CRHR2: variants seen among roughly 807,000 people sequenced by gnomAD.
CRHR2 encodes the protein corticotropin-releasing hormone receptor 2.
Under a neutral mutation model 57.9 loss-of-function variants are expected in CRHR2, and 53 were observed. The observed-to-expected ratio is 0.92, with a 90% confidence interval of 0.73 to 1.15. The LOEUF (loss-of-function observed/expected upper bound fraction) is 1.15. Among genes scored for constraint, CRHR2 ranks in the 50% most tolerant of loss-of-function variants. The pLI is 0.00. For synonymous variants in CRHR2, 213 were observed against 220.9 expected (o/e 0.96, Z 0.32); for missense variants, 532 against 542.6 (o/e 0.98, Z 0.19).
chr7:30,674,903 C>T (rs762954576), intron 2 of CRHR2, among the ~76,000 whole-genome samples: 1 of 152,162 alleles, frequency 6.6e-6, no homozygotes, highest in Non-Finnish European at 1.5e-5. Context: ...GCTGACAATG[C>T]CTTAGCTGTC....
intron 7 of CRHR2, 34 bp from the exon 8 acceptor site, chr7:30,660,679 G>C: frequency 6.5e-7 from 1 of 1,549,318 alleles, no homozygotes; most frequent in Non-Finnish European, 8.7e-7. Context: ...GGGGCCTCCT[G>C]AGCTGGAACT....
intron 10 of CRHR2, among the ~76,000 whole-genome samples, chr7:30,655,295 C>CT (rs1783739916): frequency 6.6e-6 from 1 of 152,262 alleles, no homozygotes; most frequent in South Asian, 2.1e-4. Flanking sequence ...AGGCAGACTC[C>CT]GGTCTCCTCA....
At chr7:30,688,069 G>C (rs766644127) in intron 2 of CRHR2, among the ~76,000 whole-genome samples, 1 of 152,246 alleles carries the variant, frequency 6.6e-6, no homozygotes, top group Non-Finnish European at 1.5e-5. Flanking sequence ...ATGTGGCCTT[G>C]TTTGGATTTA....
Position 30,679,156 on chromosome 7 carries a change from C to G in CRHR2, c.229+2759G>C, listed in dbSNP as rs571961078. On this transcript the variant is annotated intron_variant, in intron 2 of 11. Transcript: ENST00000471646. ...GCCTCTCCTGTGCCTATTACACTCA[C>G]CTGCTAAAATCCAACCTGTCCCCAG... Among the ~76,000 whole-genome samples, 4 of 152,366 alleles carry G rather than the reference C, an allele frequency of 2.6e-5. No individual in the cohort carries two copies. In the South Asian group the frequency reaches 8.3e-4, roughly 32 times the overall value.
intron 2 of CRHR2, among the ~76,000 whole-genome samples, chr7:30,675,891 A>C (rs987156297): frequency 6.6e-6 from 1 of 152,222 alleles, no homozygotes; most frequent in South Asian, 2.1e-4. Context: ...AGGCTCCTCA[A>C]TTCTTTCTGG....
chr7:30,700,073 C>G, exon 1 of CRHR2: 1 of 1,337,118 alleles, frequency 7.5e-7, no homozygotes, highest in Non-Finnish European at 9.7e-7. Flanking sequence ...AGCCTGCTGC[C>G]CAGCACGGTG....
chr7:30,660,517 G>A (rs1486386999), intron 8 of CRHR2, 56 bp downstream of exon 8: 6 of 1,517,684 alleles, frequency 4.0e-6, no homozygotes, highest in Admixed American at 3.9e-5. Context: ...GCCTGGGTGG[G>A]CCCTCTTCTG....
At chr7:30,687,954 A>T (rs190332230) in intron 2 of CRHR2, among the ~76,000 whole-genome samples, 1 of 152,274 alleles carries the variant, frequency 6.6e-6, no homozygotes, top group Admixed American at 6.5e-5. Context: ...GTGGACTTAG[A>T]TCCATTGCTA....
intron 7 of CRHR2, among the ~76,000 whole-genome samples, chr7:30,661,841 A>G (rs370360438): frequency 6.6e-6 from 1 of 152,126 alleles, no homozygotes; most frequent in South Asian, 2.1e-4. Context: ...GGCCCCTTCC[A>G]CATACCCCGG....
At chr7:30,654,876 C>T (rs1208953410) in intron 11 of CRHR2, 163 bp downstream of exon 11, 1 of 1,550,002 alleles carries the variant, frequency 6.5e-7, no homozygotes, top group Non-Finnish European at 8.7e-7. Flanking sequence ...AAACTGGCTC[C>T]AGCCCCTGTG....
intron 5 of CRHR2, among the ~76,000 whole-genome samples, chr7:30,663,613 C>G (rs1320830292): frequency 1.3e-5 from 2 of 152,174 alleles, no homozygotes; most frequent in Non-Finnish European, 2.9e-5. Context: ...CAAGGCCACC[C>G]TTCCCCAGGC....
Position 30,674,428 on chromosome 7 carries a change from A to G in CRHR2, c.230-7115T>C, listed in dbSNP as rs548571146. Among the ~76,000 whole-genome samples, 7 of 152,334 alleles carry G rather than the reference A, an allele frequency of 4.6e-5. No individual in the cohort carries two copies. In the East Asian group the frequency reaches 1.4e-3, roughly 29 times the overall value. On this transcript the variant is annotated intron_variant, in intron 2 of 11. Transcript: ENST00000471646. ...GACCAACACAGGACCCCTGTGGCAGAAGCTGCCTTGGAACTGAGAAACATC... is the reference window on the plus strand; with the variant it reads ...GACCAACACAGGACCCCTGTGGCAGGAGCTGCCTTGGAACTGAGAAACATC...
chr7:30,673,923 C>T (rs1784439248), intron 2 of CRHR2, among the ~76,000 whole-genome samples: 1 of 152,168 alleles, frequency 6.6e-6, no homozygotes, highest in African/African-American at 2.4e-5. Flanking sequence ...TATTGCCAAC[C>T]CCAGCCACTG....
chr7:30,696,293 C>T lies in CRHR2; in HGVS notation c.-261+3651G>A, dbSNP rs549886516. Reference sequence around the variant, plus strand: ...AAAAGTATAATTAGATTGTCTGTAACACAAAGGATAAATTCTTGAGGGGAT... The same window carrying T: ...AAAAGTATAATTAGATTGTCTGTAATACAAAGGATAAATTCTTGAGGGGAT... On this transcript the variant is annotated intron_variant, in intron 1 of 13. Coordinates refer to the CRHR2 transcript ENST00000341843. 3.9e-5 allele frequency among the ~76,000 whole-genome samples: 6 copies of T among 152,244 alleles called. No individual in the cohort carries two copies. In the East Asian group the frequency reaches 1.2e-3, roughly 29 times the overall value.
chr7:30,662,628 C>T (rs2270008), intron 6 of CRHR2, 66 bp downstream of exon 6: 228,900 of 1,564,360 alleles, frequency 0.15, 18,691 homozygotes, highest in African/African-American at 0.32. Flanking sequence ...GGACCCAAGA[C>T]GAAGGGAAAT....
chr7:30,672,074 TG>T (rs1279719166), intron 2 of CRHR2, among the ~76,000 whole-genome samples: 1 of 152,232 alleles, frequency 6.6e-6, no homozygotes, highest in African/African-American at 2.4e-5. Context: ...TCTCTAAGGT[TG>T]GGGACCTCGG....
chr7:30,670,126 T>TACAC (rs751287150), intron 2 of CRHR2, among the ~76,000 whole-genome samples: 18 of 150,992 alleles, frequency 1.2e-4, no homozygotes, highest in African/African-American at 4.4e-4. Flanking sequence ...TATAATCCAG[T>TACAC]ACACACACAC....
At chr7:30,699,660 T>C in intron 1 of CRHR2, 1 of 258,298 alleles carries the variant, frequency 3.9e-6, no homozygotes, top group Non-Finnish European at 7.6e-6. Context: ...GGTCTCCCAG[T>C]CTCATCCTGG....
At chr7:30,699,445 A>G (rs1785123382) in intron 1 of CRHR2, among the ~76,000 whole-genome samples, 1 of 150,508 alleles carries the variant, frequency 6.6e-6, no homozygotes, top group African/African-American at 2.5e-5. Flanking sequence ...CAGCAGGGGC[A>G]GGAGGTGGCT....
Sources: gnomAD v4.1 joint callset for allele counts (sites outside exome capture counted in the v4.1 genomes callset) on GRCh38, gnomAD v4.1.1 for gene constraint, MANE v1.5 for transcripts, NCBI Gene and HGNC (gene_info 2026-07-23, HGNC 2026-07-21) for gene names.